Variants in PALLD observed in about 807,000 individuals in gnomAD.
The protein encoded by PALLD is palladin.
PALLD carries 61 observed loss-of-function variants against 123.5 expected under a neutral mutation model. That is an observed-to-expected ratio of 0.49 (90% confidence interval 0.40 to 0.61). The LOEUF (loss-of-function observed/expected upper bound fraction) is 0.61, where lower values mean the gene tolerates loss of function less well. Among genes scored for constraint, PALLD ranks in the 20% least tolerant of loss-of-function variants. The pLI is 0.00. For missense variants in PALLD, 1,273 were observed against 1,377.0 expected (o/e 0.92, Z 1.20); for synonymous variants, 465 against 496.4 (o/e 0.94, Z 0.84).
At chr4:168,894,747 A>G (rs923842193) in intron 12 of PALLD, 70 bp downstream of exon 12, 71 of 1,567,142 alleles carry the variant, frequency 4.5e-5, no homozygotes, top group Non-Finnish European at 5.8e-5. Context: ...CCTTATGGAT[A>G]CTGTTCTTGG....
At chr4:168,788,567 G>A (rs932877591) in intron 10 of PALLD, among the ~76,000 whole-genome samples, 2 of 152,098 alleles carry the variant, frequency 1.3e-5, no homozygotes, top group East Asian at 1.9e-4. Context: ...CGATCCATTC[G>A]TCAATATCCA....
intron 10 of PALLD, among the ~76,000 whole-genome samples, chr4:168,866,776 C>T (rs1266611458): frequency 6.6e-6 from 1 of 152,186 alleles, no homozygotes; most frequent in Non-Finnish European, 1.5e-5. Context: ...TTAAGTCTAG[C>T]ATATGAGACA....
chr4:168,804,105 G>T (rs1490478839), intron 10 of PALLD, among the ~76,000 whole-genome samples: 1 of 152,138 alleles, frequency 6.6e-6, no homozygotes, highest in Admixed American at 6.5e-5. Context: ...CATAAGTACT[G>T]CCCTTGAGAG....
At position 168,878,111 on chromosome 4, in the gene PALLD, G is replaced by A. The variant is rs2151117518; in HGVS notation, c.1965-12811G>A. ...CGTGCCGCCCTTCGCGCAGCCCTTC[G>A]GCGCTGAGCCCGAGGCCCCGTGGGG... On this transcript the variant is annotated intron_variant, in intron 10 of 21. Transcript: ENST00000505667. The A allele has an allele frequency of 4.1e-6, 6 of 1,457,090 alleles. No individual in the cohort carries two copies. Among genetic ancestry groups the A allele is most frequent in the East Asian group, 2.9e-5 (1 of 34,300 alleles). 90.3% of individuals were successfully genotyped at this position (1,457,090 alleles called of 1,614,324 possible).
chr4:168,635,308 A>G (rs980807378), intron 2 of PALLD, among the ~76,000 whole-genome samples: 3 of 152,228 alleles, frequency 2.0e-5, no homozygotes, highest in Non-Finnish European at 4.4e-5. Flanking sequence ...GCTAGGGCTC[A>G]GAGACCAGGG....
intron 10 of PALLD, among the ~76,000 whole-genome samples, chr4:168,851,001 C>T (rs1747691014): frequency 6.6e-6 from 1 of 152,172 alleles, no homozygotes. Flanking sequence ...TAATCTGGCC[C>T]AAGTGTGACT....
chr4:168,600,140 T>C (rs1030030428), intron 2 of PALLD, among the ~76,000 whole-genome samples: 1 of 151,936 alleles, frequency 6.6e-6, no homozygotes, highest in Non-Finnish European at 1.5e-5. Flanking sequence ...CACACATATA[T>C]ACATATACAC....
intron 10 of PALLD, among the ~76,000 whole-genome samples, chr4:168,786,419 A>G (rs1273342591): frequency 6.6e-6 from 1 of 152,056 alleles, no homozygotes. Context: ...CATACCTGTA[A>G]TCCTAGCACT....
chr4:168,795,198 T>C (rs1470659878), intron 10 of PALLD, among the ~76,000 whole-genome samples: 7 of 152,184 alleles, frequency 4.6e-5, no homozygotes, highest in African/African-American at 1.7e-4. Context: ...ACACAAACAT[T>C]CAGTCTTTAG....
chr4:168,873,104 G>A (rs1751296776), intron 10 of PALLD, among the ~76,000 whole-genome samples: 1 of 152,106 alleles, frequency 6.6e-6, no homozygotes, highest in Non-Finnish European at 1.5e-5. Context: ...TCCAATATGG[G>A]ACCCTCCTAG....
intron 10 of PALLD, among the ~76,000 whole-genome samples, chr4:168,821,737 G>A (rs1195188107): frequency 1.3e-5 from 2 of 151,908 alleles, no homozygotes; most frequent in South Asian, 2.1e-4. Context: ...AAAACTAGCC[G>A]GGCATGGTGG....
intron 15 of PALLD, among the ~76,000 whole-genome samples, chr4:168,910,133 A>G (rs149566336): frequency 1.7e-4 from 26 of 152,026 alleles, no homozygotes; most frequent in African/African-American, 6.3e-4. Flanking sequence ...CAATATTTGT[A>G]TATATGGTTC....
rs1419819164 is a variant in PALLD, at chr4:168,894,676, A to G, written c.2198A>G (p.Gln733Arg). The G allele has an allele frequency of 6.2e-7, 1 of 1,612,958 alleles. No homozygotes were observed. The change falls in exon 12 of 22, where the codon CAG becomes CGG. Residue 733 changes from glutamine to arginine, a missense_variant and splice_region_variant. By Grantham distance (43) the Gln-to-Arg change is conservative. Coordinates refer to ENST00000505667, the MANE Select transcript of PALLD (RefSeq NM_001166108.2). ...GAGCCAGAAGAGGAAACAGCTAATCAGGTACCATGTTGCTCTGGACTTCTT... is the reference window on the plus strand; with the variant it reads ...GAGCCAGAAGAGGAAACAGCTAATCGGGTACCATGTTGCTCTGGACTTCTT... The part of the protein sequence containing the change: ...IQEPEEETAN[Q>R]DIGSPHASVG...
At chr4:168,781,615 G>A (rs1044262481) in intron 10 of PALLD, among the ~76,000 whole-genome samples, 4 of 152,190 alleles carry the variant, frequency 2.6e-5, no homozygotes, top group African/African-American at 9.6e-5. Context: ...GAGGAAAACT[G>A]TCAGCAGACC....
intron 12 of PALLD, among the ~76,000 whole-genome samples, chr4:168,895,668 G>A (rs533682175): frequency 6.6e-6 from 1 of 152,288 alleles, no homozygotes; most frequent in East Asian, 1.9e-4. Flanking sequence ...CTGAAGAGAA[G>A]AAGACAAGGG....
intron 9 of PALLD, among the ~76,000 whole-genome samples, chr4:168,711,350 C>G (rs1407133433): frequency 6.6e-6 from 1 of 152,142 alleles, no homozygotes; most frequent in African/African-American, 2.4e-5. Context: ...GCTGGGTTCC[C>G]CAAATGTGAG....
At chr4:168,513,768 A>G (rs1476182664) in intron 2 of PALLD, among the ~76,000 whole-genome samples, 2 of 152,290 alleles carry the variant, frequency 1.3e-5, no homozygotes, top group South Asian at 2.1e-4. Flanking sequence ...TTTTGCTTTT[A>G]TTCATGCAGA....
intron 10 of PALLD, among the ~76,000 whole-genome samples, chr4:168,886,980 G>C (rs1441963299): frequency 6.6e-6 from 1 of 151,988 alleles, no homozygotes; most frequent in Admixed American, 6.5e-5. Flanking sequence ...AGCCAGGCGT[G>C]GTGGCTCATG....
intron 3 of PALLD, 73 bp downstream of exon 3, chr4:168,668,441 C>G (rs1320584356): frequency 8.0e-7 from 1 of 1,244,368 alleles, no homozygotes; most frequent in Non-Finnish European, 1.1e-6. Flanking sequence ...CTTGGGCATG[C>G]AAATGTGCCT....
Sources: gnomAD v4.1 joint callset for allele counts (sites outside exome capture counted in the v4.1 genomes callset) on GRCh38, gnomAD v4.1.1 for gene constraint, MANE v1.5 for transcripts, NCBI Gene and HGNC (gene_info 2026-07-23, HGNC 2026-07-21) for gene names.